The following EIF3A variants were observed in gnomAD, a reference collection of about 807,000 sequenced individuals.
EIF3A encodes eukaryotic translation initiation factor 3 subunit A.
Under a neutral mutation model 186.6 loss-of-function variants are expected in EIF3A, and 21 were observed. The observed-to-expected ratio is 0.11, with a 90% CI of 0.08 to 0.16. The LOEUF is 0.16. EIF3A is among the 10% of genes least tolerant of loss of function. The pLI, the probability that EIF3A is intolerant of heterozygous loss-of-function variation, is 1.00. For synonymous variants in EIF3A, 563 were observed against 584.3 expected, an observed-to-expected ratio of 0.96 and a Z score of 0.52; for missense variants, 1,306 against 1,796.3, an observed-to-expected ratio of 0.73 and a Z score of 4.93.
chr10:119,050,172 T>C (rs944171155), intron 16 of EIF3A, among the ~76,000 whole-genome samples, 187 bp from the exon 17 acceptor site: 3 of 152,244 alleles, frequency 2.0e-5, no homozygotes, highest in Non-Finnish European at 2.9e-5. Context: ...ACTATAGTTT[T>C]GTAATAAGAT....
In EIF3A at chr10:119,057,092, C is replaced by A. The variant is rs771135443; in HGVS notation, c.1978-52G>T. The A allele has an allele frequency of 3.0e-6, 3 of 1,005,112 alleles. No homozygotes were observed. The South Asian group carries it at 4.2e-5, about 14-fold the overall frequency. The allele number at this position is 1,005,112 out of a possible 1,614,324, so 62.3% of individuals were successfully genotyped here. A position where few individuals can be genotyped will look rare whatever the true frequency, so the allele number is the denominator to read the frequency against. ...GTTAATAAAGAGAAACAAGCAATGC[C>A]TAACATAACTCACTGCTTTCTAGAA... On this transcript the variant is annotated intron_variant, in intron 12 of 21. Transcript: ENST00000369144.
chr10:119,037,065 C>A (rs201057585), intron 21 of EIF3A, 54 bp downstream of exon 21: 21 of 717,048 alleles, frequency 2.9e-5, no homozygotes, highest in Admixed American at 7.5e-5. Context: ...CCAAATCCCC[C>A]CCCCCCCAGA....
intron 7 of EIF3A, among the ~76,000 whole-genome samples, chr10:119,062,376 T>C (rs1052449515): frequency 6.6e-6 from 1 of 152,218 alleles, no homozygotes; most frequent in African/African-American, 2.4e-5. Flanking sequence ...CTCTTAGGAA[T>C]GTTTGAGTCT....
At position 119,061,827 on chromosome 10, in the gene EIF3A, G is replaced by A. The variant is rs144454930; in HGVS notation, c.1123-499C>T. 1.7e-3 allele frequency among the ~76,000 whole-genome samples: 259 copies of A among 152,186 alleles called. 1 individual carries two copies. Among genetic ancestry groups the A allele is most frequent in the African/African-American group, 5.9e-3 (244 of 41,504 alleles). On this transcript the variant is annotated intron_variant, in intron 7 of 21. Transcript: ENST00000369144. ...CATGAATAAATCTCACAAACATAGC[G>A]GTGAGAAAAGAATTTCACATATTAC...
chr10:119,046,519 G>A (rs761590018), intron 17 of EIF3A, among the ~76,000 whole-genome samples: 15 of 152,284 alleles, frequency 9.9e-5, no homozygotes, highest in Non-Finnish European at 2.1e-4. Context: ...TAAGAGGAAA[G>A]ATAATGTGTA....
At chr10:119,039,080 T>C (rs1319639180) in intron 19 of EIF3A, among the ~76,000 whole-genome samples, 2 of 152,220 alleles carry the variant, frequency 1.3e-5, no homozygotes, top group Non-Finnish European at 2.9e-5. Context: ...AGATCACTCA[T>C]TTAAGCAGAA....
chr10:119,042,412 T>A lies in EIF3A; in HGVS notation c.3108A>T (p.Arg1036Ser). The change falls in exon 19 of 22, where the codon AGA (arginine) becomes AGT (serine). Residue 1036 changes from arginine (R) to serine (S), a missense_variant. Physicochemically the swap from Arg to Ser is moderately radical, Grantham distance 110 (BLOSUM62 -1). This residue lies in a region of EIF3A where 410 missense variants were observed against 473.5 expected (regional missense o/e 0.87). Transcript: ENST00000369144. The surrounding 1 kb of genome is among the most constrained non-coding windows in gnomAD (Gnocchi z 7.8). ...CATCATCCATCCCACGTCTTGGTCC[T>A]CTGTCCTCATCAGCTGTTCGCCAGC... Reference protein sequence around the residue: ...RGSWRTADEDRGPRRGMDDDR... With the variant: ...RGSWRTADEDSGPRRGMDDDR... 1 of 1,614,096 alleles carries A rather than the reference T, an allele frequency of 6.2e-7. No individual in the cohort carries two copies. The highest frequency in any genetic ancestry group is 8.5e-7 in the Non-Finnish European group (1 of 1,180,002).
intron 6 of EIF3A, among the ~76,000 whole-genome samples, chr10:119,068,194 G>T (rs1377759245): frequency 2.0e-5 from 3 of 152,126 alleles, no homozygotes; most frequent in African/African-American, 4.8e-5. Context: ...ATGCCTTCGG[G>T]GCTCATTTCT....
chr10:119,053,311 A>T (rs1848383131), intron 14 of EIF3A, among the ~76,000 whole-genome samples: 1 of 152,148 alleles, frequency 6.6e-6, no homozygotes, highest in Non-Finnish European at 1.5e-5. Context: ...TAACCCCTAA[A>T]CAGTGAGCAT....
rs746769574 is a variant in EIF3A at position 119,037,329 on chromosome 10, C to T, written c.3729-20G>A. On this transcript the variant is annotated intron_variant, in intron 20 of 21. Transcript: ENST00000369144. ...TCATCCCTGTAGCCATTTACAATGA[C>T]AGGTCAGGTTCTTACTGTTAGACCA... 1 of 1,611,582 alleles carries T rather than the reference C, an allele frequency of 6.2e-7. No individual in the cohort carries two copies. The highest frequency in any genetic ancestry group is 8.5e-7 in the Non-Finnish European group (1 of 1,177,822).
chr10:119,042,783 A>G lies in EIF3A; in HGVS notation c.2748-11T>C, dbSNP rs779782217. 1.3e-6 allele frequency: 2 copies of G among 1,555,386 alleles called. No individual in the cohort carries two copies. Among genetic ancestry groups the G allele is most frequent in the Non-Finnish European group, 1.7e-6 (2 of 1,157,598 alleles). On this transcript the variant is annotated splice_polypyrimidine_tract_variant and intron_variant, in intron 18 of 21. Transcript: ENST00000369144. This position sits in a 1 kb window ranked among gnomAD's most constrained non-coding sequence, Gnocchi z 7.8. ...CCACGTCTCCACTCCCTACACAGCA[A>G]CAAGAACAATTAAAAATATATAAAA... is the stretch of plus-strand genomic sequence containing the variant.
At chr10:119,055,465 G>A (rs1848412059) in intron 14 of EIF3A, among the ~76,000 whole-genome samples, 2 of 152,168 alleles carry the variant, frequency 1.3e-5, no homozygotes, top group African/African-American at 4.8e-5. Context: ...AAATGTGACA[G>A]AGACATGAAA....
intron 7 of EIF3A, among the ~76,000 whole-genome samples, chr10:119,063,778 G>A (rs904194019): frequency 6.6e-6 from 1 of 152,046 alleles, no homozygotes. Flanking sequence ...CCATCAATGC[G>A]AAACACTAAA....
intron 4 of EIF3A, among the ~76,000 whole-genome samples, chr10:119,072,024 CAAAAAAAA>C (rs56100757): frequency 1.5e-4 from 9 of 59,474 alleles, no homozygotes; most frequent in South Asian, 2.0e-3. Flanking sequence ...GACTCTGTCT[CAAAAAAAA>C]AAAAAAAAAA....
intron 12 of EIF3A, 127 bp downstream of exon 12, chr10:119,057,824 ATTTAG>A: frequency 1.4e-6 from 1 of 702,622 alleles, no homozygotes; most frequent in Non-Finnish European, 2.4e-6. Flanking sequence ...TTACTCACAG[ATTTAG>A]TCATGACCAG....
intron 9 of EIF3A, chr10:119,059,974 C>T (rs777420105): frequency 1.8e-6 from 1 of 547,002 alleles, no homozygotes; most frequent in Non-Finnish European, 3.4e-6. Context: ...TAAAAACCTG[C>T]TACTTACCGA....
At chr10:119,051,069 A>T in intron 15 of EIF3A, 130 bp downstream of exon 15, 1 of 806,716 alleles carries the variant, frequency 1.2e-6, no homozygotes, top group South Asian at 2.6e-5. Context: ...TCATCCAAAA[A>T]TTTCTATTAT....
intron 1 of EIF3A, among the ~76,000 whole-genome samples, chr10:119,074,450 A>G (rs572808332): frequency 6.3e-5 from 9 of 142,302 alleles, no homozygotes; most frequent in African/African-American, 2.3e-4. Flanking sequence ...GGGTGACAAG[A>G]GCGAAATTCC....
intron 20 of EIF3A, 61 bp from the exon 21 acceptor site, chr10:119,037,370 G>T: frequency 7.0e-7 from 1 of 1,436,014 alleles, no homozygotes; most frequent in Non-Finnish European, 9.7e-7. Context: ...ATAATTATAA[G>T]TACATCCAGT....
Sources: gnomAD v4.1 joint callset for allele counts (sites outside exome capture counted in the v4.1 genomes callset) on GRCh38, gnomAD v4.1.1 for gene constraint, gnomAD v4.1.1 regional missense constraint, Gnocchi (gnomAD v3.1) non-coding constraint, MANE v1.5 for transcripts, NCBI Gene and HGNC (gene_info 2026-07-23, HGNC 2026-07-21) for gene names.